GNAO1: variants seen among roughly 807,000 people sequenced by gnomAD.
The protein encoded by GNAO1 is guanine nucleotide-binding protein G(o) subunit alpha.
For synonymous variants in GNAO1, 164 were observed against 180.7 expected (o/e 0.91, Z 0.74); for missense variants, 166 against 478.7 (o/e 0.35, Z 6.10).
chr16:56,216,104 A>G (rs1201265492), intron 2 of GNAO1, among the ~76,000 whole-genome samples: 1 of 152,138 alleles, frequency 6.6e-6, no homozygotes, highest in Admixed American at 6.5e-5. Context: ...CATTCTTTAC[A>G]CTTATTTCTA....
rs1486760997 is a variant in GNAO1 at position 56,191,491 on chromosome 16, C to T, written c.-745C>T. On this transcript the variant is annotated 5_prime_UTR_variant, in exon 1 of 9. Coordinates refer to ENST00000262493, the MANE Select transcript of GNAO1 (RefSeq NM_020988.3). This position sits in a 1 kb window ranked among gnomAD's most constrained non-coding sequence, Gnocchi z 4.7. ...TTCCCCTCCCTCCCTGCCTCTCTCT[C>T]TCTCCCTCTCCCTCGAGCTCCCGGC... 1 of 151,818 alleles carries T rather than the reference C, an allele frequency of 6.6e-6. No homozygotes were observed. Among genetic ancestry groups the T allele is most frequent in the Non-Finnish European group, 1.5e-5 (1 of 67,996 alleles). The allele number at this position is 151,818 out of a possible 1,614,324, so 9.4% of individuals were successfully genotyped here.
intron 3 of GNAO1, among the ~76,000 whole-genome samples, chr16:56,318,943 A>G (rs2037542641): frequency 6.6e-6 from 1 of 152,302 alleles, no homozygotes; most frequent in Non-Finnish European, 1.5e-5. Context: ...TCAGAGGTTC[A>G]GTGTTCTGTC....
intron 3 of GNAO1, among the ~76,000 whole-genome samples, chr16:56,288,461 C>T (rs1468430845): frequency 1.3e-5 from 2 of 152,200 alleles, no homozygotes; most frequent in Admixed American, 6.5e-5. Flanking sequence ...GGAAGTAAGA[C>T]CAGAGCACAT....
At chr16:56,286,776 C>G (rs1345224462) in intron 3 of GNAO1, among the ~76,000 whole-genome samples, 1 of 151,630 alleles carries the variant, frequency 6.6e-6, no homozygotes, top group African/African-American at 2.4e-5. Flanking sequence ...TCTCATTGCC[C>G]CTCCTTGACC....
At chr16:56,273,855 T>C (rs2037038765) in intron 2 of GNAO1, among the ~76,000 whole-genome samples, 1 of 152,224 alleles carries the variant, frequency 6.6e-6, no homozygotes, top group Admixed American at 6.5e-5. Context: ...AACTTGAATA[T>C]CTCCCAGCCT....
chr16:56,306,135 C>T (rs992671804), intron 3 of GNAO1, among the ~76,000 whole-genome samples: 3 of 152,196 alleles, frequency 2.0e-5, no homozygotes, highest in Admixed American at 6.5e-5. Flanking sequence ...GCTCCCTGCT[C>T]CCTCTTTGTT....
At chr16:56,256,678 T>TTCTCTCTGTCTCTCTG (rs1455077630) in intron 2 of GNAO1, among the ~76,000 whole-genome samples, 2 of 139,282 alleles carry the variant, frequency 1.4e-5, no homozygotes, top group African/African-American at 5.6e-5. Context: ...GTCAGTCTCT[T>TTCTCTCTGTCTCTCTG]TCTCTCTGTC....
intron 2 of GNAO1, among the ~76,000 whole-genome samples, chr16:56,201,209 G>A (rs1310659538): frequency 6.6e-6 from 1 of 152,208 alleles, no homozygotes; most frequent in Non-Finnish European, 1.5e-5. Flanking sequence ...TAGGCAGGAA[G>A]TTCAGGGAAG....
At chr16:56,257,069 C>T (rs1289658146) in intron 2 of GNAO1, among the ~76,000 whole-genome samples, 1 of 152,160 alleles carries the variant, frequency 6.6e-6, no homozygotes, top group East Asian at 1.9e-4. Context: ...ACATCTCTAG[C>T]ACTCATTAAA....
intron 2 of GNAO1, among the ~76,000 whole-genome samples, chr16:56,234,795 C>G (rs2036621968): frequency 6.6e-6 from 1 of 152,082 alleles, no homozygotes. Flanking sequence ...ACTCAAAGAT[C>G]CTCCAAGAGA....
chr16:56,235,627 C>T (rs1446158360), intron 2 of GNAO1, among the ~76,000 whole-genome samples: 3 of 152,298 alleles, frequency 2.0e-5, no homozygotes, highest in African/African-American at 2.4e-5. Flanking sequence ...GGTGGAAATG[C>T]GGAGTGTGTC....
At position 56,351,529 on chromosome 16, in the gene GNAO1, A is replaced by AATACACAGGTGGGTGCCAGGCAGTCCTGT; in HGVS notation, c.870_877+21dup. ...TCACCTTTGACCATCTGCTTTCCTG[A>AATACACAGGTGGGTGCCAGGCAGTCCTGT]ATACACAGGTGGGTGCCAGGCAGTC... On this transcript the variant is annotated frameshift_variant, in exon 7 of 9. Coordinates refer to ENST00000262493, the MANE Select transcript of GNAO1 (RefSeq NM_020988.3). LOFTEE classifies it high-confidence loss of function. This position sits in a 1 kb window ranked among gnomAD's most constrained non-coding sequence, Gnocchi z 6.1. The AATACACAGGTGGGTGCCAGGCAGTCCTGT allele has an allele frequency of 6.2e-7, 1 of 1,612,320 alleles. No homozygotes were observed.
chr16:56,212,284 G>A (rs985005505), intron 2 of GNAO1, among the ~76,000 whole-genome samples: 3 of 152,134 alleles, frequency 2.0e-5, no homozygotes, highest in African/African-American at 7.2e-5. Flanking sequence ...TGTCCCGATG[G>A]CTCCAACTCG....
At chr16:56,268,430 G>A (rs954774735) in intron 2 of GNAO1, among the ~76,000 whole-genome samples, 2 of 152,192 alleles carry the variant, frequency 1.3e-5, no homozygotes, top group Non-Finnish European at 2.9e-5. Flanking sequence ...CCTTCCAGCA[G>A]GCTGAACCCA....
At chr16:56,282,960 C>T (rs2037128945) in intron 3 of GNAO1, among the ~76,000 whole-genome samples, 1 of 152,168 alleles carries the variant, frequency 6.6e-6, no homozygotes, top group Non-Finnish European at 1.5e-5. Context: ...GACCGGCGAT[C>T]AGTGTTCTGT....
chr16:56,194,302 A>G (rs2036210798), intron 2 of GNAO1: 1 of 456,468 alleles, frequency 2.2e-6, no homozygotes, highest in African/African-American at 2.0e-5. Context: ...GCCCTTTGCA[A>G]CAAGGTGCAT....
intron 3 of GNAO1, among the ~76,000 whole-genome samples, chr16:56,282,712 A>C (rs1362444169): frequency 6.6e-6 from 1 of 152,270 alleles, no homozygotes; most frequent in Non-Finnish European, 1.5e-5. Flanking sequence ...GGAAAGCAGA[A>C]GCTACAGGCA....
chr16:56,210,746 C>T (rs952994436), intron 2 of GNAO1, among the ~76,000 whole-genome samples: 1 of 152,118 alleles, frequency 6.6e-6, no homozygotes, highest in Admixed American at 6.6e-5. Context: ...AGGGCTTTGG[C>T]CCACTTTTTA....
chr16:56,295,537 A>G (rs1360388568), intron 3 of GNAO1, among the ~76,000 whole-genome samples: 2 of 152,140 alleles, frequency 1.3e-5, no homozygotes, highest in Non-Finnish European at 2.9e-5. Context: ...ACTCTGCACA[A>G]AGCAGGCTTC....
Sources: allele counts gnomAD v4.1 joint callset (sites outside exome capture counted in the v4.1 genomes callset), GRCh38; gene constraint gnomAD v4.1.1; non-coding constraint Gnocchi (gnomAD v3.1); transcripts MANE v1.5; gene names NCBI Gene and HGNC (gene_info 2026-07-23, HGNC 2026-07-21).